Variants in UGT2A3 observed in about 807,000 individuals in gnomAD.
The protein encoded by UGT2A3 is UDP glucuronosyltransferase family 2 member A3.
A neutral mutation model predicts 44.1 loss-of-function variants in UGT2A3; 55 were observed. That is an observed-to-expected ratio of 1.25 (90% CI 1.00 to 1.56). The LOEUF is 1.56. UGT2A3 is among the 40% of genes most tolerant of loss of function. The pLI is 0.00. For synonymous variants in UGT2A3, 243 were observed against 215.1 expected (o/e 1.13, Z -1.13); for missense variants, 733 against 621.6 (o/e 1.18, Z -1.91).
intron 1 of UGT2A3, among the ~76,000 whole-genome samples, chr4:68,946,515 T>G (rs887535580): frequency 2.6e-5 from 4 of 151,640 alleles, no homozygotes; most frequent in African/African-American, 9.7e-5. Flanking sequence ...TCTTATAAAT[T>G]TGTTGTTTTC....
At chr4:68,950,377 A>G (rs1718536542) in intron 1 of UGT2A3, among the ~76,000 whole-genome samples, 2 of 151,916 alleles carry the variant, frequency 1.3e-5, no homozygotes, top group South Asian at 2.1e-4. Context: ...ATGTTTCTAC[A>G]TAATTCTCAA....
rs942114607 is a variant in UGT2A3 at position 68,935,302 on chromosome 4, A to G, written c.865-2543T>C. 7.9e-4 allele frequency among the ~76,000 whole-genome samples: 84 copies of G among 106,994 alleles called. 7 individuals carry two copies. The highest frequency in any genetic ancestry group is 1.0e-3 in the Non-Finnish European group (55 of 53,212). 70.2% of individuals were successfully genotyped at this position (106,994 alleles called of 152,430 possible). The stretch of plus-strand genomic sequence containing the variant: ...TATATATATATATATATATATATAT[A>G]TATATATATATATATGCATAATATA... On this transcript the variant is annotated intron_variant, in intron 2 of 5. Coordinates refer to ENST00000251566, the MANE Select transcript of UGT2A3 (RefSeq NM_024743.4).
At chr4:68,931,781 A>T (rs1446844102) in intron 3 of UGT2A3, among the ~76,000 whole-genome samples, 2 of 151,938 alleles carry the variant, frequency 1.3e-5, no homozygotes, top group Non-Finnish European at 2.9e-5. Context: ...CTTATGTTCC[A>T]CTGTTCAATG....
At chr4:68,935,443 C>T (rs2109781656) in intron 2 of UGT2A3, among the ~76,000 whole-genome samples, 1 of 151,528 alleles carries the variant, frequency 6.6e-6, no homozygotes, top group East Asian at 2.0e-4. Context: ...CTCCAGCAAA[C>T]TCCAACAGAC....
chr4:68,944,689 G>T (rs1718316915), intron 2 of UGT2A3, among the ~76,000 whole-genome samples: 2 of 151,716 alleles, frequency 1.3e-5, no homozygotes, highest in Non-Finnish European at 3.0e-5. Context: ...TTCTCAAATG[G>T]CTTTTATTAA....
At chr4:68,942,321 C>A (rs912472333) in intron 2 of UGT2A3, among the ~76,000 whole-genome samples, 16 of 100,190 alleles carry the variant, frequency 1.6e-4, no homozygotes, top group South Asian at 2.6e-4. Context: ...TTGAAAATAT[C>A]TCTCTCTCTC....
At position 68,951,211 on chromosome 4, in the gene UGT2A3, T is replaced by C. The variant is rs1463564073; in HGVS notation, c.550A>G (p.Lys184Glu). The change falls in exon 1 of 6, where the codon AAA (lysine) becomes GAA (glutamate). Residue 184 changes from lysine (K) to glutamate (E), a missense_variant. Coordinates refer to ENST00000251566, the MANE Select transcript of UGT2A3 (RefSeq NM_024743.4). The stretch of plus-strand genomic sequence containing the variant: ...ACATAGGAAAGTGGAGCTGGAAGTT[T>C]CCCACAGCTTCGCTCCATATTGCCT... Reference protein sequence around the residue: ...VGGNMERSCGKLPAPLSYVPV... With the variant: ...VGGNMERSCGELPAPLSYVPV... The C allele has an allele frequency of 6.2e-7, 1 of 1,611,886 alleles. No homozygotes were observed.
At chr4:68,945,505 T>A in intron 1 of UGT2A3, 51 bp from the exon 2 acceptor site, 1 of 1,478,812 alleles carries the variant, frequency 6.8e-7, no homozygotes. Flanking sequence ...AAATAAAAAA[T>A]TGTATCACTA....
intron 2 of UGT2A3, among the ~76,000 whole-genome samples, chr4:68,933,368 A>C (rs1051710521): frequency 6.6e-6 from 1 of 152,086 alleles, no homozygotes; most frequent in Non-Finnish European, 1.5e-5. Flanking sequence ...GGTGGAAGAA[A>C]ATAGTTGCAA....
At chr4:68,931,955 A>G (rs114177029) in intron 3 of UGT2A3, among the ~76,000 whole-genome samples, 17,971 of 151,980 alleles carry the variant, frequency 0.12, 1,551 homozygotes, top group Admixed American at 0.24. Flanking sequence ...CCTAATTAGT[A>G]TGCTTGCCTT....
At chr4:68,931,284 A>G (rs368689146) in intron 3 of UGT2A3, 42 bp from the exon 4 acceptor site, 3 of 1,451,060 alleles carry the variant, frequency 2.1e-6, no homozygotes, top group Non-Finnish European at 2.9e-6. Context: ...GAACCACAGG[A>G]TATTAGCATT....
Position 68,930,581 on chromosome 4 carries a change from T to TA in UGT2A3, c.1268dup (p.Leu423PhefsTer15). 6.2e-7 allele frequency: 1 copy of TA among 1,613,012 alleles called. No individual in the cohort carries two copies. The highest frequency in any genetic ancestry group is 8.5e-7 in the Non-Finnish European group (1 of 1,179,376). On this transcript the variant is annotated frameshift_variant, in exon 5 of 6. Transcript: ENST00000251566. LOFTEE classifies it low-confidence loss of function (END_TRUNC). ...TAATGACTGTTCTCAAAGCCCTCAG[T>TA]AAATCTTCGCTTGTCATAGTTTTGA...
chr4:68,945,305 C>T lies in UGT2A3; in HGVS notation c.864+1G>A. On this transcript the variant is annotated splice_donor_variant, in intron 2 of 5. Coordinates refer to ENST00000251566, the MANE Select transcript of UGT2A3 (RefSeq NM_024743.4). LOFTEE classifies it high-confidence loss of function. ...AATATTCCTTAATACAATAGTCCTA[C>T]CTTAGGCAAAGCTTTGGCAGGTTTA... 6.2e-7 allele frequency: 1 copy of T among 1,610,986 alleles called. No homozygotes were observed. The highest frequency in any genetic ancestry group is 1.7e-4 in the Middle Eastern group (1 of 6,034).
At chr4:68,945,596 G>T in intron 1 of UGT2A3, 142 bp from the exon 2 acceptor site, 2 of 398,180 alleles carry the variant, frequency 5.0e-6, no homozygotes, top group Non-Finnish European at 4.3e-6. Flanking sequence ...ATGGAAGGGG[G>T]AATTAATGAA....
Position 68,929,997 on chromosome 4 carries a change from C to G in UGT2A3, c.1400G>C (p.Arg467Pro). ...RAVFWIEFVM[R>P]HKGAKHLRSA... ...TCGCAGGTGCTTGGCTCCTTTGTGG[C>G]GCATGACAAACTCGATCCAGAAGAC... Residue 467 changes from arginine to proline, a missense_variant, in exon 6 of 6, where the codon CGC becomes CCC. By Grantham distance (103) the Arg-to-Pro change is moderately radical (BLOSUM62 -2). Transcript: ENST00000251566. 1 of 1,613,496 alleles carries G rather than the reference C, an allele frequency of 6.2e-7. No homozygotes were observed.
chr4:68,950,936 T>A (rs556886772), intron 1 of UGT2A3, 110 bp downstream of exon 1: 329 of 745,296 alleles, frequency 4.4e-4, no homozygotes, highest in Admixed American at 8.1e-4. Flanking sequence ...GCTACAACAT[T>A]TTCTAAAAAA....
intron 2 of UGT2A3, among the ~76,000 whole-genome samples, chr4:68,944,921 G>A (rs1462389408): frequency 6.6e-6 from 1 of 151,526 alleles, no homozygotes; most frequent in Admixed American, 6.6e-5. Context: ...TATCCAATAT[G>A]TCTCATGAAA....
rs1319438702 is a variant in UGT2A3, at chr4:68,929,753, T to A, written c.*60A>T. 7.0e-7 allele frequency: 1 copy of A among 1,425,274 alleles called. No homozygotes were observed. Among genetic ancestry groups the A allele is most frequent in the Non-Finnish European group, 9.5e-7 (1 of 1,054,296 alleles). The allele number at this position is 1,425,274 out of a possible 1,614,324, so 88.3% of individuals were successfully genotyped here. ...TGAAAATAGCAAGGTTTTCACCAAATTCTATGTGGCTGGAATTAACAGGAT... is the reference window on the plus strand; with the variant it reads ...TGAAAATAGCAAGGTTTTCACCAAAATCTATGTGGCTGGAATTAACAGGAT... On this transcript the variant is annotated 3_prime_UTR_variant, in exon 6 of 6. Coordinates refer to ENST00000251566, the MANE Select transcript of UGT2A3 (RefSeq NM_024743.4).
At position 68,930,624 on chromosome 4, in the gene UGT2A3, G is replaced by A. The variant is rs769072662; in HGVS notation, c.1226C>T (p.Ala409Val). The change falls in exon 5 of 6, where the codon GCA (alanine) becomes GTA (valine). Residue 409 changes from alanine (A) to valine (V), a missense_variant. By Grantham distance (64) the Ala-to-Val change is moderately conservative. Transcript: ENST00000251566. ...AGTTTTGAAGTTTATTTCTACAGCT[G>A]CTCCTTTGGCCTTCATGTGAGCTAT... is the stretch of plus-strand genomic sequence containing the variant. Reference protein sequence around the residue: ...DNIAHMKAKGAAVEINFKTMT... With the variant: ...DNIAHMKAKGVAVEINFKTMT... 1.9e-6 allele frequency: 3 copies of A among 1,613,542 alleles called. No homozygotes were observed. The highest frequency in any genetic ancestry group is 2.2e-5 in the South Asian group (2 of 91,066).
Sources: gnomAD v4.1 joint callset for allele counts (sites outside exome capture counted in the v4.1 genomes callset) on GRCh38, gnomAD v4.1.1 for gene constraint, MANE v1.5 for transcripts, NCBI Gene and HGNC (gene_info 2026-07-23, HGNC 2026-07-21) for gene names.